The following LIN28B variants were observed in gnomAD, a reference collection of about 807,000 sequenced individuals.
The protein encoded by LIN28B is protein lin-28 homolog B.
A neutral mutation model predicts 21.9 loss-of-function variants in LIN28B; 5 were observed. The observed-to-expected ratio is 0.23, with a 90% CI of 0.12 to 0.48. LIN28B has a LOEUF of 0.48. Among genes scored for constraint, LIN28B ranks in the 20% least tolerant of loss-of-function variants. LIN28B has a pLI of 0.98. For synonymous variants in LIN28B, 109 were observed against 111.3 expected (o/e 0.98, Z 0.13); for missense variants, 245 against 310.5 (o/e 0.79, Z 1.58).
At position 104,948,129 on chromosome 6, in the gene LIN28B, A is replaced by G. The variant is rs1259504076; in HGVS notation, c.19-2332A>G. On this transcript the variant is annotated intron_variant, in intron 2 of 5. Coordinates refer to the LIN28B transcript ENST00000635857. ...TCATAGGTTTAGGTTTTTGTTTTCT[A>G]AGAAAACGTAATGAACTCTGTTAAA... 1.6e-4 allele frequency among the ~76,000 whole-genome samples: 24 copies of G among 152,198 alleles called. 1 individual carries two copies. The highest frequency in any genetic ancestry group is 1.6e-3 in the Admixed American group (24 of 15,280).
chr6:104,981,144 C>T (rs186395395), intron 2 of LIN28B, among the ~76,000 whole-genome samples: 72 of 152,232 alleles, frequency 4.7e-4, no homozygotes, highest in Non-Finnish European at 9.0e-4. Flanking sequence ...TATCATTTCC[C>T]ATCCTTCTGA....
intron 2 of LIN28B, among the ~76,000 whole-genome samples, chr6:104,989,102 T>C (rs1049441380): frequency 6.6e-6 from 1 of 152,238 alleles, no homozygotes; most frequent in African/African-American, 2.4e-5. Context: ...GCTAGGGATA[T>C]ATTTATTTTA....
intron 3 of LIN28B, among the ~76,000 whole-genome samples, chr6:105,062,407 C>G (rs1772138870): frequency 6.6e-6 from 1 of 152,082 alleles, no homozygotes; most frequent in Non-Finnish European, 1.5e-5. Context: ...CATTGCTATA[C>G]CAGGAAGAAC....
At chr6:104,994,013 A>G (rs2181191) in intron 2 of LIN28B, among the ~76,000 whole-genome samples, 76,032 of 151,596 alleles carry the variant, frequency 0.5, 20,302 homozygotes, top group East Asian at 0.69. Context: ...AAATATATAT[A>G]TATATTTTTG....
At chr6:104,968,394 A>T (rs1769907144) in intron 2 of LIN28B, among the ~76,000 whole-genome samples, 1 of 152,206 alleles carries the variant, frequency 6.6e-6, no homozygotes, top group Non-Finnish European at 1.5e-5. Flanking sequence ...TTCACATTTC[A>T]TGTGGAGAAA....
At chr6:104,949,995 C>T (rs1268149803) in intron 2 of LIN28B, among the ~76,000 whole-genome samples, 2 of 152,088 alleles carry the variant, frequency 1.3e-5, no homozygotes, top group Non-Finnish European at 2.9e-5. Flanking sequence ...GCCCCAATAT[C>T]TATTTTATAG....
chr6:105,034,587 T>C lies in LIN28B; in HGVS notation c.383+8105T>C, dbSNP rs566555113. 3.3e-5 allele frequency among the ~76,000 whole-genome samples: 5 copies of C among 152,200 alleles called. No individual in the cohort carries two copies. The East Asian group carries it at 9.6e-4, about 29-fold the overall frequency. On this transcript the variant is annotated intron_variant, in intron 3 of 3. Transcript: ENST00000345080. ...TACTTATTTAGATTTAAAAATTGAT[T>C]GTGAAATTTAACATTCCTTGTAGTC...
intron 2 of LIN28B, among the ~76,000 whole-genome samples, chr6:104,961,943 T>A (rs2114574135): frequency 6.6e-6 from 1 of 152,318 alleles, no homozygotes; most frequent in Non-Finnish European, 1.5e-5. Flanking sequence ...ATTAGATCTC[T>A]TTTGGAGAAG....
intron 2 of LIN28B, among the ~76,000 whole-genome samples, chr6:104,958,754 C>T (rs1317473174): frequency 1.3e-5 from 2 of 152,130 alleles, no homozygotes; most frequent in East Asian, 1.9e-4. Context: ...ATTATTTCAT[C>T]GCTGCCTGTC....
intron 3 of LIN28B, among the ~76,000 whole-genome samples, chr6:105,067,547 G>A (rs1772243191): frequency 6.6e-6 from 1 of 152,118 alleles, no homozygotes; most frequent in Admixed American, 6.5e-5. Flanking sequence ...AGTTATCTGT[G>A]TTTGAGTAAT....
chr6:104,996,590 T>C (rs754160159), intron 2 of LIN28B, among the ~76,000 whole-genome samples: 2 of 152,132 alleles, frequency 1.3e-5, no homozygotes, highest in Non-Finnish European at 2.9e-5. Context: ...TAAGTCTGTA[T>C]TGGGAATACA....
intron 3 of LIN28B, among the ~76,000 whole-genome samples, chr6:105,032,237 GCACAAGTGTGTGAAGA>G (rs1283063673): frequency 2.4e-4 from 37 of 152,258 alleles, no homozygotes; most frequent in Non-Finnish European, 4.0e-4. Flanking sequence ...AAACATTTAT[GCACAAGTGTGTGAAGA>G]TTCATTTTCA....
intron 2 of LIN28B, among the ~76,000 whole-genome samples, chr6:104,944,082 C>A (rs1490775412): frequency 6.6e-6 from 1 of 151,934 alleles, no homozygotes; most frequent in Non-Finnish European, 1.5e-5. Flanking sequence ...TGTAGGGATT[C>A]AAGTAGCATC....
intron 2 of LIN28B, among the ~76,000 whole-genome samples, chr6:104,980,401 A>G (rs1460429204): frequency 6.6e-6 from 1 of 152,184 alleles, no homozygotes. Flanking sequence ...GCAGGTGTTA[A>G]AACGTAGGTG....
intron 2 of LIN28B, among the ~76,000 whole-genome samples, chr6:104,995,569 A>G (rs1285865533): frequency 6.6e-6 from 1 of 152,168 alleles, no homozygotes; most frequent in Admixed American, 6.6e-5. Flanking sequence ...TTTAAGTGGT[A>G]GTGAAATAGA....
chr6:104,958,638 A>C (rs977342688), intron 2 of LIN28B, among the ~76,000 whole-genome samples: 1 of 152,204 alleles, frequency 6.6e-6, no homozygotes, highest in African/African-American at 2.4e-5. Flanking sequence ...AAAATGAAGA[A>C]ACATGATCAT....
chr6:104,963,821 T>G (rs1449788550), intron 2 of LIN28B, among the ~76,000 whole-genome samples: 1 of 152,180 alleles, frequency 6.6e-6, no homozygotes, highest in African/African-American at 2.4e-5. Flanking sequence ...CCTCTTTTAT[T>G]TTAAAAGACT....
At chr6:104,995,021 A>G (rs1361556931) in intron 2 of LIN28B, among the ~76,000 whole-genome samples, 1 of 152,224 alleles carries the variant, frequency 6.6e-6, no homozygotes, top group Non-Finnish European at 1.5e-5. Flanking sequence ...GGAAATACTC[A>G]CTGGAGCATT....
At chr6:105,000,772 A>G (rs1770703384) in intron 2 of LIN28B, among the ~76,000 whole-genome samples, 3 of 152,172 alleles carry the variant, frequency 2.0e-5, no homozygotes, top group African/African-American at 7.2e-5. Context: ...AGCAGTTGAC[A>G]TATATTCACT....
Sources: allele counts gnomAD v4.1 joint callset (sites outside exome capture counted in the v4.1 genomes callset), GRCh38; gene constraint gnomAD v4.1.1; transcripts MANE v1.5; gene names NCBI Gene and HGNC (gene_info 2026-07-23, HGNC 2026-07-21).